The following MYO16 variants were observed in gnomAD, a reference collection of about 807,000 sequenced individuals.
The protein encoded by MYO16 is unconventional myosin-XVI.
Under a neutral mutation model 205.3 loss-of-function variants are expected in MYO16, and 94 were observed. The ratio of observed to expected loss-of-function variants is 0.46; its 90% CI spans 0.39 to 0.54. The LOEUF (loss-of-function observed/expected upper bound fraction) is 0.54, where lower values mean the gene tolerates loss of function less well. MYO16 is among the 20% of genes least tolerant of loss of function. MYO16 has a pLI of 0.00. For synonymous variants in MYO16, 988 were observed against 954.0 expected, an observed-to-expected ratio of 1.04 and a Z score of -0.66; for missense variants, 2,315 against 2,387.5, an observed-to-expected ratio of 0.97 and a Z score of 0.63.
chr13:108,800,016 G>A (rs796099054), intron 6 of MYO16, among the ~76,000 whole-genome samples: 62 of 151,966 alleles, frequency 4.1e-4, no homozygotes, highest in Non-Finnish European at 1.2e-4. Flanking sequence ...GATCCCACCC[G>A]CCCGCCATCA....
At chr13:109,047,885 T>TC (rs1887097922) in intron 24 of MYO16, among the ~76,000 whole-genome samples, 3 of 152,264 alleles carry the variant, frequency 2.0e-5, no homozygotes, top group Admixed American at 2.0e-4. Context: ...ACACTGTTTT[T>TC]CACTGAAGAT....
intron 4 of MYO16, among the ~76,000 whole-genome samples, chr13:108,759,700 AG>A (rs68077594): frequency 0.037 from 5,667 of 151,956 alleles, 355 homozygotes; most frequent in African/African-American, 0.13. Context: ...AGGCGCCTAT[AG>A]TCCCAGCTAC....
chr13:108,878,064 C>T (rs1879409358), intron 12 of MYO16, among the ~76,000 whole-genome samples: 1 of 152,164 alleles, frequency 6.6e-6, no homozygotes, highest in South Asian at 2.1e-4. Context: ...CAGCAGCACC[C>T]TTTACCACTG....
At chr13:109,086,525 G>T (rs157033) in intron 27 of MYO16, among the ~76,000 whole-genome samples, 113,194 of 152,116 alleles carry the variant, frequency 0.74, 42,160 homozygotes, top group East Asian at 0.89. Flanking sequence ...AATCATGACT[G>T]TTTTTGAATT....
Position 109,141,385 on chromosome 13 carries a change from A to G in MYO16, c.5164+9A>G. 1.4e-6 allele frequency: 2 copies of G among 1,475,220 alleles called. No individual in the cohort carries two copies. Among genetic ancestry groups the G allele is most frequent in the Non-Finnish European group, 1.8e-6 (2 of 1,109,444 alleles). The allele number at this position is 1,475,220 out of a possible 1,614,324, so 91.4% of individuals were successfully genotyped here. On this transcript the variant is annotated intron_variant, in intron 32 of 34. Coordinates refer to ENST00000457511, the MANE Select transcript of MYO16 (RefSeq NM_001198950.3). This position sits in a 1 kb window ranked among gnomAD's most constrained non-coding sequence, Gnocchi z 4.1. ...AATCAGGGAAGCAGAAGGTAAGCGG[A>G]GCAGACATCCCCCCACTCCTTTTGC...
chr13:109,085,401 A>T (rs1020515913), intron 27 of MYO16, among the ~76,000 whole-genome samples: 6 of 152,208 alleles, frequency 3.9e-5, no homozygotes, highest in Admixed American at 2.6e-4. Flanking sequence ...CCACAAGTTG[A>T]TGAACCAGTC....
chr13:108,675,305 C>T (rs989751967), intron 2 of MYO16, among the ~76,000 whole-genome samples: 1 of 152,186 alleles, frequency 6.6e-6, no homozygotes, highest in Non-Finnish European at 1.5e-5. Flanking sequence ...TAGAATTTCA[C>T]ATAGATACAT....
chr13:109,120,542 T>G (rs1016492659), intron 29 of MYO16, 76 bp downstream of exon 29: 1 of 1,093,724 alleles, frequency 9.1e-7, no homozygotes, highest in Non-Finnish European at 1.4e-6. Flanking sequence ...TCCCCAAGTT[T>G]AAATGTCGAT....
chr13:109,104,775 C>T (rs575775571), intron 28 of MYO16, among the ~76,000 whole-genome samples: 2 of 152,170 alleles, frequency 1.3e-5, no homozygotes, highest in South Asian at 2.1e-4. Context: ...TAGGCTATTC[C>T]GCAGATCCAC....
intron 13 of MYO16, among the ~76,000 whole-genome samples, chr13:108,886,078 C>T (rs1879864197): frequency 6.6e-6 from 1 of 152,064 alleles, no homozygotes; most frequent in African/African-American, 2.4e-5. Flanking sequence ...AGCTCCGCCT[C>T]CCGGGTTGAC....
intron 11 of MYO16, 29 bp from the exon 12 acceptor site, chr13:108,866,148 A>C: frequency 6.6e-7 from 1 of 1,525,540 alleles, no homozygotes; most frequent in Non-Finnish European, 9.0e-7. Context: ...TATATGACTC[A>C]TGAACTGTTT....
chr13:109,155,232 G>T (rs568566088), intron 32 of MYO16, among the ~76,000 whole-genome samples: 1 of 152,110 alleles, frequency 6.6e-6, no homozygotes, highest in East Asian at 1.9e-4. Context: ...CGACTTGGCG[G>T]GGGGGTGGGT....
At chr13:108,660,823 G>T (rs970443627) in intron 1 of MYO16, among the ~76,000 whole-genome samples, 3 of 152,146 alleles carry the variant, frequency 2.0e-5, no homozygotes, top group African/African-American at 7.2e-5. Flanking sequence ...CATGCTTGTT[G>T]TTGCCTGTGT....
In MYO16 at chr13:108,855,565, G is replaced by C. The variant is rs149740733; in HGVS notation, c.1359+12G>C. 91 of 1,509,612 alleles carry C rather than the reference G, an allele frequency of 6.0e-5. 1 individual carries two copies. In the African/African-American group the frequency reaches 8.5e-4, roughly 14 times the overall value. The allele number at this position is 1,509,612 out of a possible 1,614,324, so 93.5% of individuals were successfully genotyped here. ...ACAATCAGATCTATGTGAGTGCCCT[G>C]GAAATTGCCTTTTGCACTGTTTTTC... On this transcript the variant is annotated intron_variant, in intron 11 of 34. Transcript: ENST00000457511.
intron 4 of MYO16, among the ~76,000 whole-genome samples, chr13:108,749,394 A>G (rs1885159402): frequency 6.6e-6 from 1 of 152,200 alleles, no homozygotes; most frequent in Non-Finnish European, 1.5e-5. Flanking sequence ...TAGCTGAAAT[A>G]TACAAAGAAC....
At chr13:108,548,986 C>T in the MYO16 span, among the ~76,000 whole-genome samples, 10 of 151,850 alleles carry the variant, frequency 6.6e-5, no homozygotes, top group Non-Finnish European at 1.2e-4. Context: ...ATATACAGAT[C>T]GATAAAGAGA....
At chr13:108,496,474 C>A in the MYO16 span, among the ~76,000 whole-genome samples, 2 of 152,300 alleles carry the variant, frequency 1.3e-5, no homozygotes, top group Admixed American at 1.3e-4. Context: ...GACCCCTCTG[C>A]GCGACCCCAG....
At chr13:108,928,384 C>A (rs1156736624) in intron 16 of MYO16, among the ~76,000 whole-genome samples, 3 of 152,046 alleles carry the variant, frequency 2.0e-5, no homozygotes, top group Non-Finnish European at 4.4e-5. Context: ...GGATCTACAG[C>A]AATGTTATAT....
intron 10 of MYO16, among the ~76,000 whole-genome samples, chr13:108,854,458 A>G (rs996500090): frequency 5.9e-5 from 9 of 152,202 alleles, no homozygotes; most frequent in Non-Finnish European, 1.3e-4. Context: ...TTTACACTAC[A>G]TAGACATGAT....
Sources: gnomAD v4.1 joint callset for allele counts (sites outside exome capture counted in the v4.1 genomes callset) on GRCh38, gnomAD v4.1.1 for gene constraint, Gnocchi (gnomAD v3.1) non-coding constraint, MANE v1.5 for transcripts, NCBI Gene and HGNC (gene_info 2026-07-23, HGNC 2026-07-21) for gene names.